The following ZNF43 variants were observed in gnomAD, a reference collection of about 807,000 sequenced individuals.
The protein encoded by ZNF43 is zinc finger protein 39-like 1 (KOX 27).
ZNF43 carries 44 observed loss-of-function variants against 68.4 expected under a neutral mutation model. The observed-to-expected ratio is 0.64, with a 90% confidence interval of 0.51 to 0.83. ZNF43 has a LOEUF of 0.83. Ranked by LOEUF, ZNF43 falls within the 40% of genes least tolerant of loss-of-function variation. The pLI, the probability that ZNF43 is intolerant of heterozygous loss-of-function variation, is 0.00. For missense variants in ZNF43, 896 were observed against 933.2 expected (o/e 0.96, Z 0.52); for synonymous variants, 308 against 307.8 (o/e 1.00, Z -0.01).
At position 21,808,045 on chromosome 19, in the gene ZNF43, G is replaced by A; in HGVS notation, c.1992C>T (p.Thr664=). The A allele has an allele frequency of 3.7e-6, 6 of 1,612,138 alleles. No homozygotes were observed. The highest frequency in any genetic ancestry group is 4.2e-6 in the Non-Finnish European group (5 of 1,179,682). Residue 664 remains threonine (T), a synonymous_variant, in exon 4 of 4, where the codon ACC becomes ACT. Transcript: ENST00000354959. The part of the protein sequence containing the change: ...ECGKAFKWSS[T]LTKHKIIHTG... ...TATGAATTATCTTATGTTTAGTAAG[G>A]GTTGAGGACCACTTAAAGGCTTTGC...
At position 21,807,920 on chromosome 19, in the gene ZNF43, T is replaced by C. The variant is rs1428353557; in HGVS notation, c.2117A>G (p.Tyr706Cys). 9 of 1,612,986 alleles carry C rather than the reference T, an allele frequency of 5.6e-6. No homozygotes were observed. In the East Asian group the frequency reaches 6.7e-5, roughly 12 times the overall value. ...HKIIHTGEKP[Y>C]KCEKCGKAFN... The stretch of plus-strand genomic sequence containing the variant: ...AGCTTTGCCACATTTTTCACATTTG[T>C]AGGGTTTCTCTCCAGTATGAATAAT... The change falls in exon 4 of 4, where the codon TAC becomes TGC. Residue 706 changes from tyrosine (Y) to cysteine (C), a missense_variant. Coordinates refer to ENST00000354959, the MANE Select transcript of ZNF43 (RefSeq NM_003423.4).
chr19:21,812,183 G>A (rs1309438293), intron 3 of ZNF43: 2 of 360,068 alleles, frequency 5.6e-6, no homozygotes, highest in African/African-American at 4.2e-5. Context: ...CTGGAGTGCA[G>A]CGGGGCGTTC....
exon 1 of ZNF43, chr19:21,852,044 A>T (rs1415400328): frequency 2.9e-5 from 36 of 1,257,590 alleles, no homozygotes; most frequent in Non-Finnish European, 3.7e-5. Context: ...GCGGGTCCCA[A>T]GGTCTAGCGG....
chr19:21,823,826 C>T (rs2037974084), intron 1 of ZNF43, among the ~76,000 whole-genome samples: 1 of 152,066 alleles, frequency 6.6e-6, no homozygotes. Flanking sequence ...ATCTCGGCCT[C>T]CCAAAGTGCT....
At chr19:21,835,960 T>A in intron 1 of ZNF43, 76 bp downstream of exon 1, 1 of 1,608,492 alleles carries the variant, frequency 6.2e-7, no homozygotes, top group Non-Finnish European at 8.5e-7. Context: ...GCGCAGATTG[T>A]GGAGCTGACT....
intron 1 of ZNF43, among the ~76,000 whole-genome samples, chr19:21,822,476 G>A (rs906832465): frequency 2.0e-5 from 3 of 150,658 alleles, no homozygotes; most frequent in Non-Finnish European, 3.0e-5. Context: ...GGGTGAATCT[G>A]AACAGAAAAA....
chr19:21,845,810 T>A (rs1444211405), intron 1 of ZNF43, among the ~76,000 whole-genome samples: 1 of 151,562 alleles, frequency 6.6e-6, no homozygotes. Flanking sequence ...GGAGAGTCGC[T>A]TGAACCCAGG....
At chr19:21,826,997 G>A (rs1433080473) in intron 1 of ZNF43, 1 of 151,638 alleles carries the variant, frequency 6.6e-6, no homozygotes, top group Middle Eastern at 3.0e-3. Flanking sequence ...GAGTAACACT[G>A]TATTGAGAAA....
chr19:21,851,751 T>A lies in ZNF43; in HGVS notation c.30+154A>T, dbSNP rs1439483635. Among the ~76,000 whole-genome samples the A allele has an allele frequency of 4.6e-5, 7 of 152,032 alleles. No homozygotes were observed. In the East Asian group the frequency reaches 1.2e-3, roughly 25 times the overall value. On this transcript the variant is annotated intron_variant, in intron 1 of 3. Coordinates refer to the ZNF43 transcript ENST00000357491. ...AGGAATGGGGCGGGACGCGGGAGGC[T>A]CGGCTGCGGGCCCAGCCGCCATCTT...
Position 21,807,846 on chromosome 19 carries a change from C to T in ZNF43, c.2191G>A (p.Glu731Lys). The T allele has an allele frequency of 6.2e-7, 1 of 1,613,218 alleles. No individual in the cohort carries two copies. Among genetic ancestry groups the T allele is most frequent in the Non-Finnish European group, 8.5e-7 (1 of 1,179,728 alleles). The change falls in exon 4 of 4, where the codon GAG becomes AAG. Residue 731 changes from glutamate (E) to lysine (K), a missense_variant. Coordinates refer to ENST00000354959, the MANE Select transcript of ZNF43 (RefSeq NM_003423.4). ...CATTCTTCACATTTGTAGGGTTGCT[C>T]TCCAGTATGAATTTTCTTATGTTCA... is the stretch of plus-strand genomic sequence containing the variant. The part of the protein sequence containing the change: ...LIEHKKIHTG[E>K]QPYKCEECGK...
In ZNF43 at chr19:21,809,690, T is replaced by G; in HGVS notation, c.347A>C (p.Lys116Thr). The G allele has an allele frequency of 6.2e-7, 1 of 1,613,426 alleles. No individual in the cohort carries two copies. Among genetic ancestry groups the G allele is most frequent in the Non-Finnish European group, 8.5e-7 (1 of 1,179,800 alleles). The change falls in exon 4 of 4, where the codon AAA becomes ACA. Residue 116 changes from lysine to threonine, a missense_variant. By Grantham distance (78) the Lys-to-Thr change is moderately conservative. Coordinates refer to ENST00000354959, the MANE Select transcript of ZNF43 (RefSeq NM_003423.4). ...NCEHKNVHLK[K>T]DHKSVDECKV... ...ACACTCATCCACACTTTTATGGTCT[T>G]TTTTTAAATGTACATTTTTATGTTC...
intron 1 of ZNF43, among the ~76,000 whole-genome samples, chr19:21,846,351 G>C (rs1967954725): frequency 1.3e-5 from 2 of 152,138 alleles, no homozygotes; most frequent in African/African-American, 4.8e-5. Flanking sequence ...CCTGAACAGG[G>C]ACCAAGCATA....
chr19:21,848,791 C>T (rs760013442), intron 1 of ZNF43, among the ~76,000 whole-genome samples: 2 of 152,194 alleles, frequency 1.3e-5, no homozygotes, highest in African/African-American at 4.8e-5. Flanking sequence ...GGTCTAAGTA[C>T]GCTAGTGACA....
chr19:21,818,499 C>A (rs551245643), intron 2 of ZNF43, among the ~76,000 whole-genome samples: 240 of 152,294 alleles, frequency 1.6e-3, no homozygotes, highest in Non-Finnish European at 3.0e-3. Context: ...CGGCTCACTG[C>A]AACCTCCACC....
chr19:21,844,767 G>A (rs955117202), intron 1 of ZNF43, among the ~76,000 whole-genome samples: 3 of 150,534 alleles, frequency 2.0e-5, no homozygotes, highest in Non-Finnish European at 4.4e-5. Context: ...CATGGTGGCA[G>A]ACACCTGTAG....
intron 1 of ZNF43, among the ~76,000 whole-genome samples, chr19:21,820,440 C>T (rs1006838196): frequency 6.7e-6 from 1 of 150,232 alleles, no homozygotes; most frequent in African/African-American, 2.4e-5. Flanking sequence ...TAGCTGGGTG[C>T]GGTGGCGGGT....
At chr19:21,819,602 G>A (rs2037699947) in intron 1 of ZNF43, among the ~76,000 whole-genome samples, 2 of 152,174 alleles carry the variant, frequency 1.3e-5, no homozygotes, top group East Asian at 1.9e-4. Context: ...AAATATTAAG[G>A]TGTACAATAA....
intron 1 of ZNF43, among the ~76,000 whole-genome samples, chr19:21,822,089 T>C (rs2037872723): frequency 2.1e-5 from 1 of 46,890 alleles, no homozygotes; most frequent in African/African-American, 8.1e-5. Flanking sequence ...TTCACCTATT[T>C]TTGTCCTTTA....
chr19:21,826,029 A>T (rs1279143438), intron 1 of ZNF43, among the ~76,000 whole-genome samples: 1 of 152,166 alleles, frequency 6.6e-6, no homozygotes, highest in Non-Finnish European at 1.5e-5. Flanking sequence ...AGCCTGGGCA[A>T]CAGAGCAAGA....
Sources: gnomAD v4.1 joint callset for allele counts (sites outside exome capture counted in the v4.1 genomes callset) on GRCh38, gnomAD v4.1.1 for gene constraint, MANE v1.5 for transcripts, NCBI Gene and HGNC (gene_info 2026-07-23, HGNC 2026-07-21) for gene names.